GRXCR1: variants seen among roughly 807,000 people sequenced by gnomAD.
The protein encoded by GRXCR1 is glutaredoxin and cysteine rich domain containing 1.
GRXCR1 carries 27 observed loss-of-function variants against 27.3 expected under a neutral mutation model. The ratio of observed to expected loss-of-function variants is 0.99; its 90% CI spans 0.73 to 1.37. The LOEUF (loss-of-function observed/expected upper bound fraction) is 1.37. Among genes scored for constraint, GRXCR1 ranks in the 40% most tolerant of loss-of-function variants. The pLI, the probability that GRXCR1 is intolerant of heterozygous loss-of-function variation, is 0.00. For missense variants in GRXCR1, 379 were observed against 354.4 expected (o/e 1.07, Z -0.56); for synonymous variants, 122 against 131.1 (o/e 0.93, Z 0.47).
At chr4:43,008,697 A>G (rs1187168714) in intron 2 of GRXCR1, among the ~76,000 whole-genome samples, 1 of 152,198 alleles carries the variant, frequency 6.6e-6, no homozygotes, top group Non-Finnish European at 1.5e-5. Context: ...TATTCTTATA[A>G]GTAAATAAAG....
intron 2 of GRXCR1, among the ~76,000 whole-genome samples, chr4:42,980,933 C>A (rs763666015): frequency 3.3e-5 from 5 of 150,798 alleles, no homozygotes; most frequent in Non-Finnish European, 7.4e-5. Context: ...TTTATTGGAG[C>A]ATTTGGTTGG....
chr4:42,982,699 A>G (rs1711530356), intron 2 of GRXCR1, among the ~76,000 whole-genome samples: 4 of 142,464 alleles, frequency 2.8e-5, no homozygotes, highest in African/African-American at 7.7e-5. Context: ...CTGTTTCTCC[A>G]CATCCTCTCC....
intron 2 of GRXCR1, 29 bp downstream of exon 2, chr4:42,963,163 T>C (rs776653248): frequency 3.1e-6 from 5 of 1,609,538 alleles, no homozygotes; most frequent in Non-Finnish European, 4.3e-6. Context: ...AAAGTCTTTT[T>C]CATAGAACCC....
At position 42,930,379 on chromosome 4, in the gene GRXCR1, T is replaced by C. The variant is rs530568477; in HGVS notation, c.385-32513T>C. ...ATTCTTCCTTATACAGATTAGCTTC[T>C]AACTTCTAAACCAAGCAATGGGTCT... On this transcript the variant is annotated intron_variant, in intron 1 of 3. Coordinates refer to ENST00000399770, the MANE Select transcript of GRXCR1 (RefSeq NM_001080476.3). Among the ~76,000 whole-genome samples the C allele has an allele frequency of 2.0e-5, 3 of 152,146 alleles. No homozygotes were observed. The South Asian group carries it at 6.2e-4, about 32-fold the overall frequency.
At chr4:43,009,900 A>G (rs1215239340) in intron 2 of GRXCR1, among the ~76,000 whole-genome samples, 1 of 152,094 alleles carries the variant, frequency 6.6e-6, no homozygotes, top group Admixed American at 6.5e-5. Flanking sequence ...CCTATATATC[A>G]TCCATATGAA....
chr4:42,907,787 T>G (rs573379818), intron 1 of GRXCR1, among the ~76,000 whole-genome samples: 1 of 152,324 alleles, frequency 6.6e-6, no homozygotes, highest in East Asian at 1.9e-4. Flanking sequence ...ACTTTAAGTT[T>G]AGTGGAACTC....
At chr4:42,990,996 A>G (rs1711955097) in intron 2 of GRXCR1, among the ~76,000 whole-genome samples, 1 of 152,126 alleles carries the variant, frequency 6.6e-6, no homozygotes, top group African/African-American at 2.4e-5. Flanking sequence ...GTCTTCATAT[A>G]TTTAAATATG....
At chr4:42,956,131 C>T (rs2109771661) in intron 1 of GRXCR1, among the ~76,000 whole-genome samples, 1 of 152,162 alleles carries the variant, frequency 6.6e-6, no homozygotes, top group East Asian at 1.9e-4. Flanking sequence ...AATTTCCATC[C>T]CTTTCCAACA....
intron 1 of GRXCR1, among the ~76,000 whole-genome samples, chr4:42,914,998 C>T (rs556158114): frequency 2.9e-4 from 44 of 152,194 alleles, no homozygotes; most frequent in Non-Finnish European, 5.0e-4. Flanking sequence ...TGTAAGTTCC[C>T]CAGCCATGTG....
intron 2 of GRXCR1, among the ~76,000 whole-genome samples, chr4:42,996,873 A>G (rs1712182667): frequency 6.6e-6 from 1 of 152,008 alleles, no homozygotes; most frequent in Non-Finnish European, 1.5e-5. Flanking sequence ...AAGTCTTACA[A>G]TACGTATGTG....
intron 2 of GRXCR1, among the ~76,000 whole-genome samples, chr4:42,978,260 C>A (rs1748569681): frequency 6.6e-6 from 1 of 151,982 alleles, no homozygotes; most frequent in Non-Finnish European, 1.5e-5. Context: ...TAGCTTTCTT[C>A]TTTTTGCTCA....
chr4:42,922,361 A>C (rs1747034648), intron 1 of GRXCR1, among the ~76,000 whole-genome samples: 1 of 151,958 alleles, frequency 6.6e-6, no homozygotes, highest in Non-Finnish European at 1.5e-5. Flanking sequence ...TGGTCAGCCT[A>C]GTTGACATTT....
rs373316432 is a variant in GRXCR1 at position 42,987,211 on chromosome 4, T to TTA, written c.627+24087_627+24088dup. ...TGATTTCATAGTTTTCATATATATA[T>TTA]TATATATATATTATATATTATATAT... On this transcript the variant is annotated intron_variant, in intron 2 of 3. Coordinates refer to ENST00000399770, the MANE Select transcript of GRXCR1 (RefSeq NM_001080476.3). 8.6e-3 allele frequency among the ~76,000 whole-genome samples: 889 copies of TTA among 103,696 alleles called. 14 individuals are homozygous for TTA. Among genetic ancestry groups the TTA allele is most frequent in the African/African-American group, 0.027 (743 of 27,092 alleles). 68.0% of individuals were successfully genotyped at this position (103,696 alleles called of 152,430 possible). A position where few individuals can be genotyped will look rare whatever the true frequency, so the allele number is the denominator to read the frequency against.
At chr4:42,969,465 A>G (rs888006058) in intron 2 of GRXCR1, among the ~76,000 whole-genome samples, 17 of 152,174 alleles carry the variant, frequency 1.1e-4, no homozygotes, top group African/African-American at 4.1e-4. Flanking sequence ...TTCTGAAAGC[A>G]TACAGTCATA....
chr4:42,996,060 T>A (rs975900856), intron 2 of GRXCR1, among the ~76,000 whole-genome samples: 1 of 152,234 alleles, frequency 6.6e-6, no homozygotes, highest in Non-Finnish European at 1.5e-5. Flanking sequence ...TGGTTATTAT[T>A]TTTTTCAGAC....
intron 2 of GRXCR1, among the ~76,000 whole-genome samples, chr4:42,987,199 T>C (rs1374509945): frequency 8.2e-5 from 6 of 72,910 alleles, no homozygotes; most frequent in African/African-American, 3.3e-4. Flanking sequence ...TTTCATAGTT[T>C]TCATATATAT....
chr4:42,922,118 T>C (rs954596261), intron 1 of GRXCR1, among the ~76,000 whole-genome samples: 3 of 152,164 alleles, frequency 2.0e-5, no homozygotes, highest in Non-Finnish European at 2.9e-5. Flanking sequence ...AAGTATTAAA[T>C]AAAATATGTT....
In GRXCR1 at chr4:42,987,918, C is replaced by T. The variant is rs143013045; in HGVS notation, c.627+24784C>T. ...TGTAACCAATTTCCTTGCTATCTAC[C>T]TTCTATTGTGGCTGCCAAATCAAAG... On this transcript the variant is annotated intron_variant, in intron 2 of 3. Transcript: ENST00000399770. 6.0e-3 allele frequency among the ~76,000 whole-genome samples: 920 copies of T among 152,218 alleles called. 10 individuals are homozygous for T. The highest frequency in any genetic ancestry group is 0.021 in the African/African-American group (891 of 41,534).
At chr4:43,009,504 T>TA (rs948037639) in intron 2 of GRXCR1, among the ~76,000 whole-genome samples, 4 of 152,150 alleles carry the variant, frequency 2.6e-5, no homozygotes, top group Non-Finnish European at 5.9e-5. Flanking sequence ...AGGGCTGCTA[T>TA]AAAAAATGCC....
Sources: gnomAD v4.1 joint callset for allele counts (sites outside exome capture counted in the v4.1 genomes callset) on GRCh38, gnomAD v4.1.1 for gene constraint, MANE v1.5 for transcripts, NCBI Gene and HGNC (gene_info 2026-07-23, HGNC 2026-07-21) for gene names.